Variants in TPST1 observed in about 807,000 individuals in gnomAD.
TPST1 encodes protein-tyrosine sulfotransferase 1.
TPST1 carries 20 observed loss-of-function variants against 34.8 expected under a neutral mutation model. That is an observed-to-expected ratio of 0.57 (90% CI 0.40 to 0.84). TPST1 has a LOEUF of 0.84. Among genes scored for constraint, TPST1 ranks in the 40% least tolerant of loss-of-function variants. The probability of loss-of-function intolerance (pLI) is 0.00; values close to 1 mark genes in which losing one functional copy is unlikely to be tolerated. For synonymous variants in TPST1, 152 were observed against 159.4 expected, an observed-to-expected ratio of 0.95 and a Z score of 0.35; for missense variants, 353 against 455.5, an observed-to-expected ratio of 0.78 and a Z score of 2.05.
At chr7:66,297,384 A>G (rs921779090) in intron 3 of TPST1, among the ~76,000 whole-genome samples, 2 of 152,202 alleles carry the variant, frequency 1.3e-5, no homozygotes, top group African/African-American at 4.8e-5. Flanking sequence ...GGAATTGTTC[A>G]TTAAACTGAG....
At chr7:66,274,376 A>C (rs1415034693) in intron 2 of TPST1, among the ~76,000 whole-genome samples, 2 of 151,950 alleles carry the variant, frequency 1.3e-5, no homozygotes, top group Non-Finnish European at 2.9e-5. Context: ...GAAAAAAAAA[A>C]AAAGATCCAC....
intron 3 of TPST1, among the ~76,000 whole-genome samples, chr7:66,303,334 T>C (rs1251638803): frequency 6.6e-6 from 1 of 152,144 alleles, no homozygotes; most frequent in African/African-American, 2.4e-5. Flanking sequence ...TGGGAGCATC[T>C]CTTAAGATAT....
intron 3 of TPST1, chr7:66,344,320 A>C (rs989920892): frequency 1.3e-5 from 2 of 152,352 alleles, no homozygotes; most frequent in African/African-American, 4.8e-5. Flanking sequence ...GCTTTGGCTG[A>C]ACCTAACACT....
At chr7:66,256,247 A>G (rs2115670913) in intron 2 of TPST1, among the ~76,000 whole-genome samples, 1 of 152,326 alleles carries the variant, frequency 6.6e-6, no homozygotes, top group East Asian at 1.9e-4. Flanking sequence ...TTATCAAGTT[A>G]AAGAATTTCT....
intron 2 of TPST1, among the ~76,000 whole-genome samples, chr7:66,247,924 A>G (rs963826803): frequency 5.3e-5 from 8 of 152,234 alleles, no homozygotes; most frequent in Non-Finnish European, 1.2e-4. Context: ...TCTTGACCAT[A>G]TAATGGAAGT....
At chr7:66,322,637 TC>T (rs1160568003) in intron 3 of TPST1, among the ~76,000 whole-genome samples, 2 of 152,236 alleles carry the variant, frequency 1.3e-5, no homozygotes, top group Non-Finnish European at 2.9e-5. Context: ...CATCTGTTGA[TC>T]AATTTGGGTT....
intron 3 of TPST1, among the ~76,000 whole-genome samples, chr7:66,351,031 A>G (rs1321379577): frequency 1.3e-5 from 2 of 152,176 alleles, no homozygotes. Flanking sequence ...ATCACTACTG[A>G]TATCAAGACA....
intron 4 of TPST1, among the ~76,000 whole-genome samples, chr7:66,353,778 G>A (rs753252526): frequency 9.2e-5 from 14 of 152,206 alleles, no homozygotes; most frequent in Non-Finnish European, 1.6e-4. Context: ...TTTGAACTCA[G>A]TTTCTGAAAG....
chr7:66,203,630 C>T (rs956754939), upstream of TPST1, among the ~76,000 whole-genome samples: 2 of 151,874 alleles, frequency 1.3e-5, no homozygotes, highest in African/African-American at 2.4e-5. Context: ...GGACTACAGG[C>T]GCCAGCCACC....
chr7:66,265,395 C>G (rs893728330), intron 2 of TPST1, among the ~76,000 whole-genome samples: 5 of 151,898 alleles, frequency 3.3e-5, no homozygotes, highest in African/African-American at 7.2e-5. Context: ...ACAAAAAATA[C>G]AAAAATTAAC....
At chr7:66,207,503 A>C (rs1789155466) in intron 1 of TPST1, among the ~76,000 whole-genome samples, 1 of 152,176 alleles carries the variant, frequency 6.6e-6, no homozygotes, top group Non-Finnish European at 1.5e-5. Context: ...GATGGTATAC[A>C]TCCTCAGGTT....
chr7:66,265,423 G>A (rs1258721447), intron 2 of TPST1, among the ~76,000 whole-genome samples: 1 of 152,028 alleles, frequency 6.6e-6, no homozygotes, highest in Non-Finnish European at 1.5e-5. Flanking sequence ...GATGACATGT[G>A]CCTGTAGTCC....
At chr7:66,334,215 G>C in intron 3 of TPST1, among the ~76,000 whole-genome samples, 1 of 152,158 alleles carries the variant, frequency 6.6e-6, no homozygotes, top group East Asian at 1.9e-4. Flanking sequence ...CCCCTCTGCA[G>C]AAGAGATAGA....
chr7:66,237,965 A>G (rs997143609), intron 1 of TPST1, among the ~76,000 whole-genome samples: 3 of 152,170 alleles, frequency 2.0e-5, no homozygotes, highest in Non-Finnish European at 4.4e-5. Flanking sequence ...CCTGGAAATT[A>G]TCACCAGACC....
At chr7:66,278,829 G>T (rs1323259442) in intron 2 of TPST1, among the ~76,000 whole-genome samples, 1 of 152,116 alleles carries the variant, frequency 6.6e-6, no homozygotes, top group African/African-American at 2.4e-5. Flanking sequence ...TAGAAAATTG[G>T]AAAATATGGA....
At chr7:66,214,608 G>A (rs954381231) in intron 1 of TPST1, among the ~76,000 whole-genome samples, 2 of 150,898 alleles carry the variant, frequency 1.3e-5, no homozygotes, top group African/African-American at 4.9e-5. Flanking sequence ...TTGAGCCCAG[G>A]GGTTCAAGAC....
intron 2 of TPST1, among the ~76,000 whole-genome samples, chr7:66,241,921 T>C (rs1203935083): frequency 1.3e-5 from 2 of 152,236 alleles, no homozygotes; most frequent in African/African-American, 4.8e-5. Context: ...TTACTACGTG[T>C]TGTGCTTCCT....
chr7:66,241,327 A>G (rs1435320856), intron 2 of TPST1, 57 bp downstream of exon 2: 1 of 1,533,682 alleles, frequency 6.5e-7, no homozygotes, highest in Non-Finnish European at 8.7e-7. Flanking sequence ...AATGATCTAT[A>G]CATATGTATG....
intron 1 of TPST1, among the ~76,000 whole-genome samples, chr7:66,230,930 A>G (rs2116342408): frequency 6.6e-6 from 1 of 152,310 alleles, no homozygotes; most frequent in African/African-American, 2.4e-5. Flanking sequence ...GTATCGACAC[A>G]AAGGTTCTCC....
Sources: allele counts gnomAD v4.1 joint callset (sites outside exome capture counted in the v4.1 genomes callset), GRCh38; gene constraint gnomAD v4.1.1; transcripts MANE v1.5; gene names NCBI Gene and HGNC (gene_info 2026-07-23, HGNC 2026-07-21).